The following C1orf167 variants were observed in gnomAD, a reference collection of about 807,000 sequenced individuals.
C1orf167 encodes chromosome 1 open reading frame 167, also known as uncharacterized protein C1orf167.
In C1orf167, 153 loss-of-function variants were observed where a neutral mutation model predicts 176.5. That is an observed-to-expected ratio of 0.87 (90% CI 0.76 to 0.99). The LOEUF (loss-of-function observed/expected upper bound fraction) is 0.99, where lower values mean the gene tolerates loss of function less well. Ranked by LOEUF, C1orf167 falls within the 50% of genes least tolerant of loss-of-function variation. C1orf167 has a pLI of 0.00. For synonymous variants in C1orf167, 594 were observed against 752.7 expected, an observed-to-expected ratio of 0.79 and a Z score of 3.45; for missense variants, 1,490 against 1,817.7, an observed-to-expected ratio of 0.82 and a Z score of 3.28.
At position 11,779,991 on chromosome 1, in the gene C1orf167, C is replaced by T. The variant is rs1476918990; in HGVS notation, c.2841C>T (p.His947=). 2.3e-6 allele frequency: 3 copies of T among 1,286,162 alleles called. No individual in the cohort carries two copies. Among genetic ancestry groups the T allele is most frequent in the African/African-American group, 1.5e-5 (1 of 65,558 alleles). The allele number at this position is 1,286,162 out of a possible 1,614,324, so 79.7% of individuals were successfully genotyped here. Residue 947 remains histidine (H), a synonymous_variant, in exon 13 of 21, where the codon CAC becomes CAT. Transcript: ENST00000688073. ...GGCTGGCACGAGATGCCCTATGCCA[C>T]TGGCACTCCTGTTGGCAGGGTGAGT... ...GWRLARDALC[H]WHSCWQGQQF... is the part of the protein sequence containing the mutation.
intron 8 of C1orf167, among the ~76,000 whole-genome samples, chr1:11,772,916 T>TTATTATTATTATTATTATTA (rs1557729349): frequency 3.6e-4 from 8 of 22,470 alleles, no homozygotes; most frequent in African/African-American, 7.4e-4. Context: ...TATTATTATT[T>TTATTATTATTATTATTATTA]GAGACGGAGT....
At chr1:11,782,433 G>T (rs537705638) in intron 14 of C1orf167, 100 bp downstream of exon 14, 1 of 1,093,780 alleles carries the variant, frequency 9.1e-7, no homozygotes, top group South Asian at 1.8e-5. Context: ...GGCCCAGATA[G>T]GAGGCCTGTG....
intron 2 of C1orf167, 128 bp from the exon 3 acceptor site, chr1:11,765,729 C>T (rs967361235): frequency 3.3e-6 from 3 of 905,406 alleles, no homozygotes; most frequent in African/African-American, 3.5e-5. Flanking sequence ...TGGCAGAAGA[C>T]CCTGGAAGTC....
At position 11,784,600 on chromosome 1, in the gene C1orf167, G is replaced by A. The variant is rs1295545216; in HGVS notation, c.3425+7G>A. On this transcript the variant is annotated splice_region_variant and intron_variant, in intron 15 of 20. Coordinates refer to ENST00000688073, the MANE Select transcript of C1orf167 (RefSeq NM_001010881.2). ...CCTGGAAGCCGCGAGCCTGGTGAGT[G>A]CTGTGGTCTAAGTGCAGCCCCACTC... 3 of 1,238,160 alleles carry A rather than the reference G, an allele frequency of 2.4e-6. No homozygotes were observed. Among genetic ancestry groups the A allele is most frequent in the East Asian group, 1.2e-4 (2 of 17,348 alleles). 76.7% of individuals were successfully genotyped at this position (1,238,160 alleles called of 1,614,324 possible).
rs1406584534 is a variant in C1orf167 at position 11,771,020 on chromosome 1, C to CGTGT, written c.1698-497_1698-494dup. 1.6e-3 allele frequency among the ~76,000 whole-genome samples: 148 copies of CGTGT among 90,578 alleles called. 3 individuals are homozygous for CGTGT. The highest frequency in any genetic ancestry group is 5.3e-3 in the African/African-American group (128 of 23,962). The allele number at this position is 90,578 out of a possible 152,430, so 59.4% of individuals were successfully genotyped here. A position where few individuals can be genotyped will look rare whatever the true frequency, so the allele number is the denominator to read the frequency against. On this transcript the variant is annotated intron_variant, in intron 6 of 20. Coordinates refer to ENST00000688073, the MANE Select transcript of C1orf167 (RefSeq NM_001010881.2). Reference sequence around the variant, plus strand: ...TGTGTGTATATATCACCTCTGGCAGCGTGTGTGTGTATGTGTGTGTGTGTG... The same window carrying CGTGT: ...TGTGTGTATATATCACCTCTGGCAGCGTGTGTGTGTGTGTATGTGTGTGTGTGTG...
rs1422966746 is a variant in C1orf167, at chr1:11,784,274, G to A, written c.3106G>A (p.Val1036Met). 4 of 1,303,250 alleles carry A rather than the reference G, an allele frequency of 3.1e-6. No homozygotes were observed. The highest frequency in any genetic ancestry group is 4.2e-4 in the Middle Eastern group (2 of 4,714). The allele number at this position is 1,303,250 out of a possible 1,614,324, so 80.7% of individuals were successfully genotyped here. A position where few individuals can be genotyped will look rare whatever the true frequency, so the allele number is the denominator to read the frequency against. Residue 1036 changes from valine (V) to methionine (M), a missense_variant, in exon 15 of 21, where the codon GTG (valine) becomes ATG (methionine). Transcript: ENST00000688073. The stretch of plus-strand genomic sequence containing the variant: ...CCTGAGGAGAAGAGCACTGGGGGCC[G>A]TGTTTGCCACATGGCGGGAAGCCCA... Reference protein sequence around the residue: ...DGLRRRALGAVFATWREAQEV... With the variant: ...DGLRRRALGAMFATWREAQEV...
At chr1:11,788,915 G>A (rs72640221) in intron 20 of C1orf167, 169 bp downstream of exon 20, 49,972 of 456,126 alleles carry the variant, frequency 0.11, 3,043 homozygotes, top group South Asian at 0.18. Flanking sequence ...CAGGCTGGAT[G>A]CTGGAGCCCT....
intron 1 of C1orf167, among the ~76,000 whole-genome samples, 184 bp downstream of exon 1, chr1:11,762,489 G>A (rs990410211): frequency 1.3e-5 from 2 of 152,318 alleles, no homozygotes; most frequent in African/African-American, 2.4e-5. Flanking sequence ...CAGGGGTGCA[G>A]GAAGGTCTCC....
At position 11,775,625 on chromosome 1, in the gene C1orf167, G is replaced by A; in HGVS notation, c.2164+15G>A. Reference sequence around the variant, plus strand: ...GCAGAAAGCAGGTGAGCTAGTGTTGGCTTCCGCCCCAGCAAACCGTGTCAC... The same window carrying A: ...GCAGAAAGCAGGTGAGCTAGTGTTGACTTCCGCCCCAGCAAACCGTGTCAC... On this transcript the variant is annotated intron_variant, in intron 9 of 20. Coordinates refer to ENST00000688073, the MANE Select transcript of C1orf167 (RefSeq NM_001010881.2). 7.7e-7 allele frequency: 1 copy of A among 1,294,348 alleles called. No homozygotes were observed. The highest frequency in any genetic ancestry group is 1.0e-6 in the Non-Finnish European group (1 of 984,106). 80.2% of individuals were successfully genotyped at this position (1,294,348 alleles called of 1,614,324 possible).
intron 6 of C1orf167, among the ~76,000 whole-genome samples, chr1:11,770,854 G>T (rs1274054489): frequency 1.3e-4 from 19 of 149,180 alleles, no homozygotes; most frequent in African/African-American, 4.4e-4. Flanking sequence ...ACCCAGGCTG[G>T]AGTACAGTAG....
rs565009981 is a variant in C1orf167 at position 11,779,223 on chromosome 1, C to A, written c.2651+143C>A. The stretch of plus-strand genomic sequence containing the variant: ...TTCAGTTCCTCCTGTCTTCCTGCCC[C>A]GTCCTACTGAGAGGGTGTCGGGGAG... On this transcript the variant is annotated intron_variant, in intron 12 of 20. Coordinates refer to ENST00000688073, the MANE Select transcript of C1orf167 (RefSeq NM_001010881.2). 38 of 789,002 alleles carry A rather than the reference C, an allele frequency of 4.8e-5. 1 individual carries two copies. The South Asian group carries it at 7.5e-4, about 16-fold the overall frequency. 48.9% of individuals were successfully genotyped at this position (789,002 alleles called of 1,614,324 possible). A position where few individuals can be genotyped will look rare whatever the true frequency, so the allele number is the denominator to read the frequency against.
Position 11,788,370 on chromosome 1 carries a change from C to T in C1orf167, c.4070C>T (p.Ala1357Val), listed in dbSNP as rs1023729715. The change falls in exon 19 of 21, where the codon GCG becomes GTG. Residue 1357 changes from alanine to valine, a missense_variant. Ala to Val is a moderately conservative substitution (Grantham distance 64). Transcript: ENST00000688073. ...GGCPRGRAAG[A>V]DPAQGVAPEM... is the part of the protein sequence containing the mutation. ...TGCCCAAGGGGCAGAGCAGCTGGTG[C>T]GGACCCTGGTGAGTGGGTGCACCCC... 25 of 1,292,922 alleles carry T rather than the reference C, an allele frequency of 1.9e-5. No homozygotes were observed. Among genetic ancestry groups the T allele is most frequent in the Admixed American group, 6.9e-5 (3 of 43,278 alleles). The allele number at this position is 1,292,922 out of a possible 1,614,324, so 80.1% of individuals were successfully genotyped here.
At chr1:11,774,741 G>A (rs1023520814) in intron 8 of C1orf167, among the ~76,000 whole-genome samples, 1 of 152,220 alleles carries the variant, frequency 6.6e-6, no homozygotes, top group Non-Finnish European at 1.5e-5. Flanking sequence ...GTGGGGAGGG[G>A]CTGAAATTTG....
At chr1:11,775,284 G>A (rs892302250) in intron 8 of C1orf167, 151 bp from the exon 9 acceptor site, 30 of 536,734 alleles carry the variant, frequency 5.6e-5, no homozygotes, top group Admixed American at 2.5e-4. Flanking sequence ...GTGAAACTCC[G>A]TCTACAAACA....
Position 11,767,242 on chromosome 1 carries a change from GC to G in C1orf167, c.1325del (p.Pro442GlnfsTer22). The G allele has an allele frequency of 7.8e-7, 1 of 1,289,752 alleles. No homozygotes were observed. Among genetic ancestry groups the G allele is most frequent in the African/African-American group, 1.5e-5 (1 of 65,916 alleles). 79.9% of individuals were successfully genotyped at this position (1,289,752 alleles called of 1,614,324 possible). A position where few individuals can be genotyped will look rare whatever the true frequency, so the allele number is the denominator to read the frequency against. On this transcript the variant is annotated frameshift_variant, in exon 4 of 21. Coordinates refer to ENST00000688073, the MANE Select transcript of C1orf167 (RefSeq NM_001010881.2). LOFTEE classifies it high-confidence loss of function. ...ASKNKAQNITAPESEAICWQL... is the reference protein window; with the variant it reads ...ASKNKAQNITXPESEAICWQL... The stretch of plus-strand genomic sequence containing the variant: ...CCAGAACAAGGCACAAAACATCACA[GC>G]CCCAGAGTCTGAGGCAATCTGGTGA...
At position 11,767,102 on chromosome 1, in the gene C1orf167, G is replaced by A; in HGVS notation, c.1299+17G>A. On this transcript the variant is annotated intron_variant, in intron 3 of 20. Coordinates refer to ENST00000688073, the MANE Select transcript of C1orf167 (RefSeq NM_001010881.2). Reference sequence around the variant, plus strand: ...GCGTCGAAGGTAGAGGCCCGGGGAGGCTGGAGGTGGGGTAGGGGGTAGGAG... The same window carrying A: ...GCGTCGAAGGTAGAGGCCCGGGGAGACTGGAGGTGGGGTAGGGGGTAGGAG... 1.6e-6 allele frequency: 2 copies of A among 1,253,918 alleles called. No homozygotes were observed. The highest frequency in any genetic ancestry group is 2.1e-6 in the Non-Finnish European group (2 of 968,984). The allele number at this position is 1,253,918 out of a possible 1,614,324, so 77.7% of individuals were successfully genotyped here. A position where few individuals can be genotyped will look rare whatever the true frequency, so the allele number is the denominator to read the frequency against.
Position 11,764,347 on chromosome 1 carries a change from C to T in C1orf167, c.-54C>T. The stretch of plus-strand genomic sequence containing the variant: ...TCCCCGCAGGGCCCATCTGATTAAA[C>T]AGACCAGGCCACTCACTGTGGAGTG... On this transcript the variant is annotated 5_prime_UTR_variant, in exon 2 of 21. Transcript: ENST00000688073. The T allele has an allele frequency of 3.2e-6, 4 of 1,261,730 alleles. No homozygotes were observed. The highest frequency in any genetic ancestry group is 4.2e-6 in the Non-Finnish European group (4 of 963,634). The allele number at this position is 1,261,730 out of a possible 1,614,324, so 78.2% of individuals were successfully genotyped here.
rs1445146081 is a variant in C1orf167, at chr1:11,772,163, G to A, written c.1892G>A (p.Arg631Lys). Residue 631 changes from arginine (R) to lysine (K), a missense_variant, in exon 8 of 21, where the codon AGG becomes AAG. Transcript: ENST00000688073. ...TLRKATRATQ[R>K]TGSFPQAWHS... is the part of the protein sequence containing the mutation. ...CGGAAGGCCACCAGGGCCACACAGA[G>A]GACAGGGAGCTTCCCCCAGGCCTGG... 2 of 1,304,328 alleles carry A rather than the reference G, an allele frequency of 1.5e-6. No homozygotes were observed. Among genetic ancestry groups the A allele is most frequent in the Middle Eastern group, 2.1e-4 (1 of 4,698 alleles). The allele number at this position is 1,304,328 out of a possible 1,614,324, so 80.8% of individuals were successfully genotyped here. A position where few individuals can be genotyped will look rare whatever the true frequency, so the allele number is the denominator to read the frequency against.
At chr1:11,767,529 A>G (rs2100256558) in intron 4 of C1orf167, among the ~76,000 whole-genome samples, 1 of 152,282 alleles carries the variant, frequency 6.6e-6, no homozygotes, top group South Asian at 2.1e-4. Context: ...TTCGGCAAAC[A>G]GGGCAATCTC....
Sources: allele counts gnomAD v4.1 joint callset (sites outside exome capture counted in the v4.1 genomes callset), GRCh38; gene constraint gnomAD v4.1.1; transcripts MANE v1.5; gene names NCBI Gene and HGNC (gene_info 2026-07-23, HGNC 2026-07-21).